IL1R2: variants seen among roughly 807,000 people sequenced by gnomAD.
The protein encoded by IL1R2 is interleukin 1 receptor type 2.
IL1R2 carries 46 observed loss-of-function variants against 39.5 expected under a neutral mutation model. The ratio of observed to expected loss-of-function variants is 1.16; its 90% CI spans 0.92 to 1.49. IL1R2 has a LOEUF of 1.49. Ranked by LOEUF, IL1R2 falls within the 40% of genes most tolerant of loss-of-function variation. The probability of loss-of-function intolerance (pLI) is 0.00; values close to 1 mark genes in which losing one functional copy is unlikely to be tolerated. For missense variants in IL1R2, 537 were observed against 502.0 expected (o/e 1.07, Z -0.67); for synonymous variants, 207 against 189.6 (o/e 1.09, Z -0.75).
Position 102,022,217 on chromosome 2 carries a change from T to C in IL1R2, c.719T>C (p.Ile240Thr), listed in dbSNP as rs1168504732. The C allele has an allele frequency of 1.9e-6, 3 of 1,613,834 alleles. No homozygotes were observed. The highest frequency in any genetic ancestry group is 1.7e-4 in the Middle Eastern group (1 of 6,058). Residue 240 changes from isoleucine (I) to threonine (T), a missense_variant, in exon 6 of 9, where the codon ATT (isoleucine) becomes ACT (threonine). Physicochemically the swap from Ile to Thr is moderately conservative, Grantham distance 89 (BLOSUM62 -1). Coordinates refer to ENST00000332549, the MANE Select transcript of IL1R2 (RefSeq NM_004633.4). Reference sequence around the variant, plus strand: ...AAAGAAGAGACCATTCCTGTGATCATTTCCCCCCTCAAGACCATATCAGCT... The same window carrying C: ...AAAGAAGAGACCATTCCTGTGATCACTTCCCCCCTCAAGACCATATCAGCT... ...KKKEETIPVI[I>T]SPLKTISASL...
intron 3 of IL1R2, among the ~76,000 whole-genome samples, chr2:102,012,450 A>T (rs577849286): frequency 2.8e-4 from 43 of 152,330 alleles, no homozygotes; most frequent in African/African-American, 1.0e-3. Context: ...GAAAAATTTC[A>T]GACCACGTCA....
chr2:102,025,726 C>T (rs905336056), intron 7 of IL1R2, among the ~76,000 whole-genome samples: 6 of 152,176 alleles, frequency 3.9e-5, no homozygotes, highest in African/African-American at 4.8e-5. Flanking sequence ...AAACTCCCTG[C>T]CCTTCAATAT....
intron 3 of IL1R2, among the ~76,000 whole-genome samples, chr2:102,012,434 T>C (rs1004167486): frequency 7.9e-5 from 12 of 151,934 alleles, no homozygotes; most frequent in Non-Finnish European, 1.6e-4. Context: ...GAAGTACTGG[T>C]GAATGGAAAA....
intron 1 of IL1R2, among the ~76,000 whole-genome samples, chr2:102,007,187 GAGA>G (rs1676321599): frequency 6.6e-6 from 1 of 152,190 alleles, no homozygotes; most frequent in Non-Finnish European, 1.5e-5. Context: ...GTGATAGTGT[GAGA>G]AGGTCATCAG....
intron 1 of IL1R2, among the ~76,000 whole-genome samples, chr2:101,998,312 C>T (rs1048678774): frequency 1.1e-4 from 17 of 152,158 alleles, no homozygotes; most frequent in African/African-American, 2.7e-4. Flanking sequence ...CTTTGGTTCT[C>T]GCACCTGCCT....
intron 8 of IL1R2, among the ~76,000 whole-genome samples, chr2:102,027,048 T>C (rs1486659281): frequency 6.6e-6 from 1 of 152,198 alleles, no homozygotes; most frequent in Admixed American, 6.5e-5. Context: ...GGACAGGGAA[T>C]GGCACCCAAC....
intron 4 of IL1R2, among the ~76,000 whole-genome samples, chr2:102,019,195 T>C (rs1443853063): frequency 1.3e-5 from 2 of 152,196 alleles, no homozygotes; most frequent in Non-Finnish European, 2.9e-5. Context: ...TGTTACTGAC[T>C]CACAAAATTG....
chr2:102,021,556 C>T (rs1262307152), intron 5 of IL1R2, among the ~76,000 whole-genome samples: 3 of 152,184 alleles, frequency 2.0e-5, no homozygotes, highest in African/African-American at 7.2e-5. Flanking sequence ...CCTGTTGATC[C>T]ACCTGCCTCG....
intron 1 of IL1R2, among the ~76,000 whole-genome samples, chr2:102,005,785 G>T (rs1221569238): frequency 6.6e-6 from 1 of 152,198 alleles, no homozygotes; most frequent in African/African-American, 2.4e-5. Context: ...GGTAAGATTC[G>T]GGGGTTCTAT....
At chr2:102,018,566 T>C (rs1677152526) in intron 4 of IL1R2, among the ~76,000 whole-genome samples, 1 of 152,206 alleles carries the variant, frequency 6.6e-6, no homozygotes, top group Non-Finnish European at 1.5e-5. Flanking sequence ...TTAGTAATAT[T>C]TATTCCCTTC....
chr2:102,010,979 G>A (rs190708528), intron 3 of IL1R2, among the ~76,000 whole-genome samples: 1 of 152,108 alleles, frequency 6.6e-6, no homozygotes, highest in Non-Finnish European at 1.5e-5. Context: ...CGTTTAAATC[G>A]TTTAAGTGAA....
chr2:102,000,206 G>A (rs1675782780), intron 1 of IL1R2, among the ~76,000 whole-genome samples: 1 of 152,160 alleles, frequency 6.6e-6, no homozygotes, highest in Non-Finnish European at 1.5e-5. Context: ...ACTGCTTGTT[G>A]AACACTTTCT....
chr2:102,025,767 T>G (rs1271667974), intron 7 of IL1R2, among the ~76,000 whole-genome samples: 2 of 152,168 alleles, frequency 1.3e-5, no homozygotes, highest in Admixed American at 6.5e-5. Context: ...GGACTCAAGT[T>G]TCCTCAAACT....
Position 102,019,785 on chromosome 2 carries a change from A to G in IL1R2, c.661A>G (p.Thr221Ala), listed in dbSNP as rs139319473. Residue 221 changes from threonine to alanine, a missense_variant, in exon 5 of 9, where the codon ACT becomes GCT. Transcript: ENST00000332549. The stretch of plus-strand genomic sequence containing the variant: ...CCATGAAGGCCAGCAATACAACATC[A>G]CTAGGAGTATTGAGCTACGCATCAA... ...FAHEGQQYNITRSIELRIKKK... is the reference protein window; with the variant it reads ...FAHEGQQYNIARSIELRIKKK... 2.7e-5 allele frequency: 44 copies of G among 1,613,984 alleles called. No individual in the cohort carries two copies. The Middle Eastern group carries it at 6.6e-4, about 24-fold the overall frequency.
At chr2:102,009,869 A>C (rs200650515) in intron 3 of IL1R2, 43 bp downstream of exon 3, 1 of 1,600,854 alleles carries the variant, frequency 6.2e-7, no homozygotes, top group Non-Finnish European at 8.5e-7. Context: ...TCCTGGCAGG[A>C]TGGAGGCTTG....
chr2:102,021,104 G>A (rs1366060014), intron 5 of IL1R2, among the ~76,000 whole-genome samples: 6 of 152,116 alleles, frequency 3.9e-5, no homozygotes, highest in African/African-American at 9.7e-5. Flanking sequence ...AGGAAAAGGC[G>A]TCTGGCCGTG....
rs376966766 is a variant in IL1R2 at position 102,008,520 on chromosome 2, G to A, written c.-56G>A. On this transcript the variant is annotated 5_prime_UTR_variant, in exon 2 of 9. In the 5' UTR this introduces an upstream ATG that the reference lacks. Transcript: ENST00000332549. ...ACCTCTGTTTCCTCCCCTAGGCCAC[G>A]TGCTGCTGGGTCTCAGTCCTCCACT... is the stretch of plus-strand genomic sequence containing the variant. 69 of 1,417,646 alleles carry A rather than the reference G, an allele frequency of 4.9e-5. No individual in the cohort carries two copies. The highest frequency in any genetic ancestry group is 6.2e-5 in the Non-Finnish European group (62 of 1,001,490). The allele number at this position is 1,417,646 out of a possible 1,614,324, so 87.8% of individuals were successfully genotyped here.
rs765523066 is a variant in IL1R2 at position 102,016,056 on chromosome 2, G to A, written c.513+5G>A. 1.3e-5 allele frequency: 21 copies of A among 1,586,228 alleles called. No homozygotes were observed. Among genetic ancestry groups the A allele is most frequent in the Middle Eastern group, 1.7e-4 (1 of 5,984 alleles). ...GTGAAGATTCAATGGTACAAGGTACGGCTTTAAAAAATGCCATTTTACTAA... is the reference window on the plus strand; with the variant it reads ...GTGAAGATTCAATGGTACAAGGTACAGCTTTAAAAAATGCCATTTTACTAA... On this transcript the variant is annotated splice_donor_5th_base_variant and intron_variant, in intron 4 of 8. Coordinates refer to ENST00000332549, the MANE Select transcript of IL1R2 (RefSeq NM_004633.4).
At chr2:102,013,342 A>G (rs1676752165) in intron 3 of IL1R2, among the ~76,000 whole-genome samples, 2 of 151,928 alleles carry the variant, frequency 1.3e-5, no homozygotes, top group South Asian at 2.1e-4. Flanking sequence ...TTTAGCGTTG[A>G]TAGTCATGAG....
Sources: allele counts gnomAD v4.1 joint callset (sites outside exome capture counted in the v4.1 genomes callset), GRCh38; gene constraint gnomAD v4.1.1; transcripts MANE v1.5; gene names NCBI Gene and HGNC (gene_info 2026-07-23, HGNC 2026-07-21).